Variants in PRKN observed in about 807,000 individuals in gnomAD.
The protein encoded by PRKN is parkin RBR E3 ubiquitin protein ligase.
PRKN carries 56 observed loss-of-function variants against 59.5 expected under a neutral mutation model. The observed-to-expected ratio is 0.94, with a 90% confidence interval of 0.76 to 1.18. The LOEUF (loss-of-function observed/expected upper bound fraction) is 1.18, where lower values mean the gene tolerates loss of function less well. Among genes scored for constraint, PRKN ranks in the 50% most tolerant of loss-of-function variants. PRKN has a pLI of 0.00. For synonymous variants in PRKN, 250 were observed against 222.1 expected (o/e 1.13, Z -1.12); for missense variants, 657 against 596.4 (o/e 1.10, Z -1.06).
At chr6:162,714,385 G>T in intron 1 of PRKN, among the ~76,000 whole-genome samples, 1 of 152,114 alleles carries the variant, frequency 6.6e-6, no homozygotes, top group African/African-American at 2.4e-5. Context: ...GACAGGGAGG[G>T]AGGGGCCCTG....
At chr6:162,242,528 C>T (rs774085448) in intron 3 of PRKN, among the ~76,000 whole-genome samples, 2 of 152,150 alleles carry the variant, frequency 1.3e-5, no homozygotes, top group Non-Finnish European at 2.9e-5. Flanking sequence ...GGAATACATA[C>T]ACAAAGAGTT....
chr6:162,694,427 GTATGTGTCTT>G (rs1562502901), intron 1 of PRKN, among the ~76,000 whole-genome samples: 1 of 152,084 alleles, frequency 6.6e-6, no homozygotes, highest in Non-Finnish European at 1.5e-5. Flanking sequence ...AGCACACACA[GTATGTGTCTT>G]TATGGCAGCT....
chr6:161,674,431 T>C (rs1785017109), intron 7 of PRKN, among the ~76,000 whole-genome samples: 2 of 152,210 alleles, frequency 1.3e-5, no homozygotes, highest in Admixed American at 1.3e-4. Context: ...AGTTGGTGGC[T>C]GTTCAAGGAT....
rs574762200 is a variant in PRKN, at chr6:162,555,292, T to C, written c.8-111819A>G. ...GTATATTAAACAAAATGGATTCATT[T>C]CTAACCCAACCAGTAAAATATTCTT... On this transcript the variant is annotated intron_variant, in intron 1 of 11. Transcript: ENST00000366898. Among the ~76,000 whole-genome samples, 54 of 152,306 alleles carry C rather than the reference T, an allele frequency of 3.5e-4. 1 individual carries two copies. In the South Asian group the frequency reaches 0.011, roughly 30 times the overall value.
At position 161,419,034 on chromosome 6, in the gene PRKN, T is replaced by C. The variant is rs896905685; in HGVS notation, c.1084-32157A>G. ...AGTAAAGCGAGTCTCTGAAAATACGTTGGATGTAAACACATCGTTTACATG... is the reference window on the plus strand; with the variant it reads ...AGTAAAGCGAGTCTCTGAAAATACGCTGGATGTAAACACATCGTTTACATG... On this transcript the variant is annotated intron_variant, in intron 9 of 11. Transcript: ENST00000366898. The surrounding 1 kb of genome is among the most constrained non-coding windows in gnomAD (Gnocchi z 4.1). 2.6e-5 allele frequency among the ~76,000 whole-genome samples: 4 copies of C among 152,176 alleles called. No homozygotes were observed. The highest frequency in any genetic ancestry group is 7.2e-5 in the African/African-American group (3 of 41,438).
In PRKN at chr6:161,480,387, A is replaced by T. The variant is rs143244231; in HGVS notation, c.1083+68467T>A. 2.6e-5 allele frequency among the ~76,000 whole-genome samples: 4 copies of T among 152,230 alleles called. No homozygotes were observed. In the East Asian group the frequency reaches 7.7e-4, roughly 29 times the overall value. ...AGGTCGCACACTCCAAGCTGGCCCT[A>T]TTTTCCTATTCCACCATCACAACAA... On this transcript the variant is annotated intron_variant, in intron 9 of 11. Coordinates refer to ENST00000366898, the MANE Select transcript of PRKN (RefSeq NM_004562.3). The surrounding 1 kb of genome is among the most constrained non-coding windows in gnomAD (Gnocchi z 4.1).
At chr6:161,752,514 G>A (rs1788739348) in intron 7 of PRKN, among the ~76,000 whole-genome samples, 1 of 151,926 alleles carries the variant, frequency 6.6e-6, no homozygotes, top group South Asian at 2.1e-4. Flanking sequence ...GGCAATATGG[G>A]GAAACCCCGT....
rs1781204306 is a variant in PRKN at position 161,578,135 on chromosome 6, A to G, written c.872-8719T>C. Among the ~76,000 whole-genome samples, 1 of 152,158 alleles carries G rather than the reference A, an allele frequency of 6.6e-6. No individual in the cohort carries two copies. The highest frequency in any genetic ancestry group is 2.4e-5 in the African/African-American group (1 of 41,454). ...GTGAGCAGAGAGCAACCAAAGAGGT[A>G]TAAAAAAAGAAAAAGAGGAGGTGGC... On this transcript the variant is annotated intron_variant, in intron 7 of 11. Coordinates refer to ENST00000366898, the MANE Select transcript of PRKN (RefSeq NM_004562.3). This position sits in a 1 kb window ranked among gnomAD's most constrained non-coding sequence, Gnocchi z 4.2.
chr6:161,542,705 CT>C (rs751788734), intron 9 of PRKN, among the ~76,000 whole-genome samples: 17 of 152,216 alleles, frequency 1.1e-4, no homozygotes, highest in Non-Finnish European at 2.4e-4. Flanking sequence ...ATATCAAAGC[CT>C]AAAGTACCAA....
intron 6 of PRKN, among the ~76,000 whole-genome samples, chr6:161,921,033 T>C (rs1385394534): frequency 6.6e-6 from 1 of 152,192 alleles, no homozygotes; most frequent in Non-Finnish European, 1.5e-5. Flanking sequence ...TTCTTAATTT[T>C]TAAAACTCTG....
chr6:161,694,430 T>A (rs935873672), intron 7 of PRKN, among the ~76,000 whole-genome samples: 7 of 152,206 alleles, frequency 4.6e-5, no homozygotes, highest in African/African-American at 1.4e-4. Context: ...GGGTTTTTTT[T>A]TAAGCAATTA....
chr6:162,135,616 C>G (rs1378371610), intron 4 of PRKN, among the ~76,000 whole-genome samples: 1 of 152,168 alleles, frequency 6.6e-6, no homozygotes, highest in Non-Finnish European at 1.5e-5. Flanking sequence ...CTGAGGCCAT[C>G]TGTCTCCTTG....
rs59225733 is a variant in PRKN, at chr6:162,450,370, G to A, written c.8-6897C>T. Among the ~76,000 whole-genome samples, 494 of 95,038 alleles carry A rather than the reference G, an allele frequency of 5.2e-3. 8 individuals carry two copies. The highest frequency in any genetic ancestry group is 0.024 in the Admixed American group (223 of 9,192). 62.3% of individuals were successfully genotyped at this position (95,038 alleles called of 152,430 possible). On this transcript the variant is annotated intron_variant, in intron 1 of 11. Coordinates refer to ENST00000366898, the MANE Select transcript of PRKN (RefSeq NM_004562.3). ...TCCCCCTGTGAATGTAAACGCCCCTGTGATTGTAATCCCCCTGTGAATGTA... is the reference window on the plus strand; with the variant it reads ...TCCCCCTGTGAATGTAAACGCCCCTATGATTGTAATCCCCCTGTGAATGTA...
At chr6:161,932,293 C>T (rs1474292245) in intron 6 of PRKN, among the ~76,000 whole-genome samples, 1 of 152,034 alleles carries the variant, frequency 6.6e-6, no homozygotes, top group Non-Finnish European at 1.5e-5. Flanking sequence ...TATGCTTCCT[C>T]CCACATAATG....
intron 6 of PRKN, among the ~76,000 whole-genome samples, chr6:161,945,548 A>T (rs562298702): frequency 6.6e-6 from 1 of 152,260 alleles, no homozygotes; most frequent in African/African-American, 2.4e-5. Flanking sequence ...TAAGCTCGTT[A>T]TGTTGCATTC....
At chr6:162,705,241 C>T (rs1213560694) in intron 1 of PRKN, among the ~76,000 whole-genome samples, 6 of 152,158 alleles carry the variant, frequency 3.9e-5, no homozygotes, top group African/African-American at 1.4e-4. Context: ...CTCCTCACCC[C>T]TTAAAGTGAT....
rs968932866 is a variant in PRKN at position 161,518,488 on chromosome 6, C to G, written c.1083+30366G>C. On this transcript the variant is annotated intron_variant, in intron 9 of 11. Coordinates refer to ENST00000366898, the MANE Select transcript of PRKN (RefSeq NM_004562.3). This position sits in a 1 kb window ranked among gnomAD's most constrained non-coding sequence, Gnocchi z 5.0. ...AAGTGCAGGCTGCTGTGGCACTGGGCGCTGCCCCTGGCTGTGCAATCCCAG... is the reference window on the plus strand; with the variant it reads ...AAGTGCAGGCTGCTGTGGCACTGGGGGCTGCCCCTGGCTGTGCAATCCCAG... 6.6e-6 allele frequency among the ~76,000 whole-genome samples: 1 copy of G among 152,222 alleles called. No individual in the cohort carries two copies. Among genetic ancestry groups the G allele is most frequent in the Non-Finnish European group, 1.5e-5 (1 of 68,034 alleles).
At chr6:162,367,499 G>C (rs950932865) in intron 2 of PRKN, among the ~76,000 whole-genome samples, 1 of 151,992 alleles carries the variant, frequency 6.6e-6, no homozygotes, top group Non-Finnish European at 1.5e-5. Flanking sequence ...TCCTTTTTCT[G>C]TTATTAAAAA....
At chr6:162,092,216 A>G (rs1583020051) in intron 4 of PRKN, among the ~76,000 whole-genome samples, 1 of 152,176 alleles carries the variant, frequency 6.6e-6, no homozygotes, top group South Asian at 2.1e-4. Flanking sequence ...TTAGCCTGGC[A>G]TGTTGGCGAG....
Sources: allele counts gnomAD v4.1 joint callset (sites outside exome capture counted in the v4.1 genomes callset), GRCh38; gene constraint gnomAD v4.1.1; non-coding constraint Gnocchi (gnomAD v3.1); transcripts MANE v1.5; gene names NCBI Gene and HGNC (gene_info 2026-07-23, HGNC 2026-07-21).